The following TESC variants were observed in gnomAD, a reference collection of about 807,000 sequenced individuals.
The protein encoded by TESC is calcineurin B homologous protein 3.
A neutral mutation model predicts 31.0 loss-of-function variants in TESC; 19 were observed. The observed-to-expected ratio is 0.61, with a 90% CI of 0.43 to 0.90. The LOEUF (loss-of-function observed/expected upper bound fraction) is 0.90, where lower values mean the gene tolerates loss of function less well. Ranked by LOEUF, TESC falls within the 40% of genes least tolerant of loss-of-function variation. The probability of loss-of-function intolerance (pLI) is 0.00; values close to 1 mark genes in which losing one functional copy is unlikely to be tolerated. For synonymous variants in TESC, 109 were observed against 114.8 expected, an observed-to-expected ratio of 0.95 and a Z score of 0.32; for missense variants, 248 against 303.8, an observed-to-expected ratio of 0.82 and a Z score of 1.36.
chr12:117,088,021 T>C (rs934254504), intron 1 of TESC, among the ~76,000 whole-genome samples: 1 of 152,088 alleles, frequency 6.6e-6, no homozygotes, highest in African/African-American at 2.4e-5. Context: ...AAACTGAGTC[T>C]CAGAGAGGCT....
At chr12:117,075,913 A>ATGTGTGTGTGTG (rs1172157385) in intron 1 of TESC, among the ~76,000 whole-genome samples, 5 of 51,952 alleles carry the variant, frequency 9.6e-5, no homozygotes, top group South Asian at 6.3e-4. Context: ...ATATATATAT[A>ATGTGTGTGTGTG]TGTGTGTGTG....
chr12:117,062,434 C>G (rs1954811685), intron 2 of TESC, among the ~76,000 whole-genome samples: 1 of 152,166 alleles, frequency 6.6e-6, no homozygotes, highest in African/African-American at 2.4e-5. Flanking sequence ...GTTGGCCAGG[C>G]TGGTCTCGAA....
chr12:117,087,418 C>T (rs749601550), intron 1 of TESC, among the ~76,000 whole-genome samples: 1 of 152,190 alleles, frequency 6.6e-6, no homozygotes, highest in Non-Finnish European at 1.5e-5. Flanking sequence ...ATTTCAACCT[C>T]GGATACCAAG....
chr12:117,075,676 G>A (rs1955042624), intron 1 of TESC, among the ~76,000 whole-genome samples: 1 of 150,748 alleles, frequency 6.6e-6, no homozygotes, highest in African/African-American at 2.4e-5. Flanking sequence ...TGTTTTCTGT[G>A]GCAGGGTTTC....
At chr12:117,048,143 C>T (rs1954595439) in intron 4 of TESC, among the ~76,000 whole-genome samples, 1 of 152,174 alleles carries the variant, frequency 6.6e-6, no homozygotes, top group African/African-American at 2.4e-5. Context: ...GATGCCTGAG[C>T]CCTGCCTCCC....
intron 1 of TESC, among the ~76,000 whole-genome samples, chr12:117,075,908 T>C (rs1955060512): frequency 1.2e-5 from 1 of 85,154 alleles, no homozygotes; most frequent in African/African-American, 7.8e-5. Context: ...TATATATATA[T>C]ATATATGTGT....
At chr12:117,045,270 G>A (rs773995806) in intron 6 of TESC, among the ~76,000 whole-genome samples, 2 of 152,250 alleles carry the variant, frequency 1.3e-5, no homozygotes, top group African/African-American at 2.4e-5. Flanking sequence ...CCCGGAGCCC[G>A]GCCTCCGCCC....
At chr12:117,096,790 C>T (rs1372230091) in intron 1 of TESC, among the ~76,000 whole-genome samples, 3 of 152,222 alleles carry the variant, frequency 2.0e-5, no homozygotes, top group African/African-American at 7.2e-5. Context: ...CTGACGACAG[C>T]TGTGTCCTCA....
intron 3 of TESC, among the ~76,000 whole-genome samples, chr12:117,050,139 C>CA (rs1005308724): frequency 0.011 from 846 of 77,600 alleles, 6 homozygotes; most frequent in African/African-American, 0.031. Context: ...AAATGCTTGC[C>CA]AAAAAAAAAA....
At chr12:117,087,768 G>A (rs763771495) in intron 1 of TESC, among the ~76,000 whole-genome samples, 1 of 152,214 alleles carries the variant, frequency 6.6e-6, no homozygotes, top group African/African-American at 2.4e-5. Flanking sequence ...GCTTGAACCT[G>A]GGAGGTGGAG....
At chr12:117,075,909 A>ATGTG (rs1296967139) in intron 1 of TESC, among the ~76,000 whole-genome samples, 968 of 61,198 alleles carry the variant, frequency 0.016, 30 homozygotes, top group Non-Finnish European at 0.019. Flanking sequence ...ATATATATAT[A>ATGTG]TATATGTGTG....
chr12:117,082,314 G>C (rs998410661), intron 1 of TESC, among the ~76,000 whole-genome samples: 1 of 152,076 alleles, frequency 6.6e-6, no homozygotes, highest in African/African-American at 2.4e-5. Flanking sequence ...GACCAGCCTG[G>C]CCAATGTGGT....
intron 1 of TESC, among the ~76,000 whole-genome samples, chr12:117,077,022 T>C (rs1955083302): frequency 6.6e-6 from 1 of 152,186 alleles, no homozygotes; most frequent in Non-Finnish European, 1.5e-5. Flanking sequence ...CAGCATTCCC[T>C]ACCCCTAAGC....
At chr12:117,087,695 T>C (rs1955236425) in intron 1 of TESC, among the ~76,000 whole-genome samples, 1 of 152,246 alleles carries the variant, frequency 6.6e-6, no homozygotes, top group African/African-American at 2.4e-5. Flanking sequence ...CCATGTGCTT[T>C]AGCTGGGCGT....
In TESC at chr12:117,046,840, T is replaced by G; in HGVS notation, c.350-2A>C. 2 of 1,566,358 alleles carry G rather than the reference T, an allele frequency of 1.3e-6. No homozygotes were observed. The highest frequency in any genetic ancestry group is 1.7e-6 in the Non-Finnish European group (2 of 1,155,294). On this transcript the variant is annotated splice_acceptor_variant, in intron 4 of 7. Transcript: ENST00000335209. LOFTEE classifies it high-confidence loss of function. The stretch of plus-strand genomic sequence containing the variant: ...CCGAGTCGTACATGTGGAACAGAAC[T>G]AGGGTGGCAGGGGAGAGAGGGGACT...
chr12:117,075,865 A>ATGTG (rs1565971355), intron 1 of TESC, among the ~76,000 whole-genome samples: 6 of 43,830 alleles, frequency 1.4e-4, no homozygotes, highest in African/African-American at 6.9e-4. Flanking sequence ...ATATATATAT[A>ATGTG]TATATGTGTG....
chr12:117,092,562 C>A (rs1025110103), intron 1 of TESC, among the ~76,000 whole-genome samples: 1 of 152,208 alleles, frequency 6.6e-6, no homozygotes. Flanking sequence ...ATGATCTGGA[C>A]CACTTTGTGG....
chr12:117,061,131 G>A lies in TESC; in HGVS notation c.129-4245C>T, dbSNP rs142660857. On this transcript the variant is annotated intron_variant, in intron 2 of 7. Coordinates refer to ENST00000335209, the MANE Select transcript of TESC (RefSeq NM_017899.4). Reference sequence around the variant, plus strand: ...CAGGGTTGCCGTACAGTTTAGAGGAGATAAAGTCTGCAACATGCTCAGCAC... The same window carrying A: ...CAGGGTTGCCGTACAGTTTAGAGGAAATAAAGTCTGCAACATGCTCAGCAC... Among the ~76,000 whole-genome samples the A allele has an allele frequency of 3.3e-3, 504 of 152,280 alleles. 4 individuals are homozygous for A. Among genetic ancestry groups the A allele is most frequent in the African/African-American group, 0.012 (484 of 41,546 alleles).
chr12:117,065,304 G>A (rs1163217546), intron 2 of TESC, among the ~76,000 whole-genome samples: 1 of 152,180 alleles, frequency 6.6e-6, no homozygotes, highest in Non-Finnish European at 1.5e-5. Flanking sequence ...GGGGAGCAGA[G>A]GAAGAAGGGG....
Sources: gnomAD v4.1 joint callset for allele counts (sites outside exome capture counted in the v4.1 genomes callset) on GRCh38, gnomAD v4.1.1 for gene constraint, MANE v1.5 for transcripts, NCBI Gene and HGNC (gene_info 2026-07-23, HGNC 2026-07-21) for gene names.